The following PID1 variants were observed in gnomAD, a reference collection of about 807,000 sequenced individuals.
PID1 encodes the protein phosphotyrosine interaction domain containing 1.
A neutral mutation model predicts 19.1 loss-of-function variants in PID1; 10 were observed. That is an observed-to-expected ratio of 0.52 (90% CI 0.32 to 0.89). The LOEUF is 0.89. PID1 is among the 40% of genes least tolerant of loss of function. The pLI, the probability that PID1 is intolerant of heterozygous loss-of-function variation, is 0.03. For missense variants in PID1, 248 were observed against 285.3 expected (o/e 0.87, Z 0.94); for synonymous variants, 130 against 116.0 (o/e 1.12, Z -0.78).
In PID1 at chr2:229,024,026, G is replaced by C. The variant is rs1004148462; in HGVS notation, c.*1606C>G. 1.3e-5 allele frequency: 2 copies of C among 152,608 alleles called. No homozygotes were observed. Among genetic ancestry groups the C allele is most frequent in the Non-Finnish European group, 2.9e-5 (2 of 68,030 alleles). 9.5% of individuals were successfully genotyped at this position (152,608 alleles called of 1,614,324 possible). On this transcript the variant is annotated 3_prime_UTR_variant, in exon 3 of 3. Transcript: ENST00000392055. Reference sequence around the variant, plus strand: ...AACATATTTTTATTAAAGAATGAATGCATTTATGCTAAAGAATAGCTTACA... The same window carrying C: ...AACATATTTTTATTAAAGAATGAATCCATTTATGCTAAAGAATAGCTTACA...
chr2:229,050,635 C>T (rs1046924640), intron 2 of PID1, among the ~76,000 whole-genome samples: 12 of 152,076 alleles, frequency 7.9e-5, no homozygotes, highest in Admixed American at 2.0e-4. Flanking sequence ...GTGTATATAC[C>T]GGTGTGTACA....
At chr2:229,245,330 T>C (rs1559301061) in intron 1 of PID1, among the ~76,000 whole-genome samples, 2 of 152,248 alleles carry the variant, frequency 1.3e-5, no homozygotes, top group Non-Finnish European at 2.9e-5. Flanking sequence ...TGGTAAAAGA[T>C]GCAGTGGTGG....
Position 229,184,545 on chromosome 2 carries a change from G to GTATA in PID1, c.31-28585_31-28582dup, listed in dbSNP as rs371024289. The stretch of plus-strand genomic sequence containing the variant: ...TATCCCGTATATATATATATATCCC[G>GTATA]TATATATATATCCCGTATATATATA... On this transcript the variant is annotated intron_variant, in intron 1 of 2. Transcript: ENST00000392055. Among the ~76,000 whole-genome samples the GTATA allele has an allele frequency of 2.1e-3, 6 of 2,870 alleles. 3 individuals are homozygous for GTATA. The highest frequency in any genetic ancestry group is 3.2e-3 in the Non-Finnish European group (6 of 1,870). 1.9% of individuals were successfully genotyped at this position (2,870 alleles called of 152,430 possible). A position where few individuals can be genotyped will look rare whatever the true frequency, so the allele number is the denominator to read the frequency against.
intron 1 of PID1, among the ~76,000 whole-genome samples, chr2:229,203,500 TCA>T (rs59860512): frequency 0.1 from 15,850 of 152,060 alleles, 1,087 homozygotes; most frequent in East Asian, 0.4. Context: ...TCACTTAAAG[TCA>T]CAGTTTCCAA....
In PID1 at chr2:229,139,159, GAGCA is replaced by G. The variant is rs1196084512; in HGVS notation, c.177+16655_177+16658del. Among the ~76,000 whole-genome samples the G allele has an allele frequency of 4.4e-5, 4 of 90,558 alleles. 1 individual carries two copies. The highest frequency in any genetic ancestry group is 2.1e-4 in the Admixed American group (2 of 9,726). The allele number at this position is 90,558 out of a possible 152,430, so 59.4% of individuals were successfully genotyped here. A position where few individuals can be genotyped will look rare whatever the true frequency, so the allele number is the denominator to read the frequency against. The stretch of plus-strand genomic sequence containing the variant: ...AAAGAAAGAAAGAAAGCAAGCGAGC[GAGCA>G]AGCGAGCTTCCCTTGACCAAACACT... On this transcript the variant is annotated intron_variant, in intron 2 of 2. Coordinates refer to ENST00000392055, the MANE Select transcript of PID1 (RefSeq NM_001100818.2).
intron 2 of PID1, among the ~76,000 whole-genome samples, chr2:229,043,432 G>T (rs896751887): frequency 1.3e-5 from 2 of 152,086 alleles, no homozygotes; most frequent in Non-Finnish European, 2.9e-5. Flanking sequence ...TTGCCAAGAA[G>T]TGTATTCTTA....
intron 1 of PID1, among the ~76,000 whole-genome samples, chr2:229,231,134 T>G (rs975570098): frequency 6.6e-6 from 1 of 152,196 alleles, no homozygotes; most frequent in Non-Finnish European, 1.5e-5. Context: ...AACACATCTG[T>G]GCTTCAGCCC....
At chr2:229,052,877 G>T (rs184800674) in intron 2 of PID1, among the ~76,000 whole-genome samples, 118 of 152,242 alleles carry the variant, frequency 7.8e-4, no homozygotes, top group African/African-American at 2.8e-3. Flanking sequence ...TCATTTGAAA[G>T]TTTCTTTTAT....
intron 2 of PID1, among the ~76,000 whole-genome samples, chr2:229,030,103 C>T (rs1693515438): frequency 6.6e-6 from 1 of 152,160 alleles, no homozygotes; most frequent in African/African-American, 2.4e-5. Context: ...CTGACAGATA[C>T]TACAACATGG....
chr2:229,046,625 T>C (rs912689663), intron 2 of PID1, among the ~76,000 whole-genome samples: 10 of 152,008 alleles, frequency 6.6e-5, no homozygotes, highest in African/African-American at 2.4e-4. Flanking sequence ...AAACTATCCC[T>C]AAATGAATTA....
At chr2:229,062,711 T>C (rs1046539778) in intron 2 of PID1, among the ~76,000 whole-genome samples, 9 of 151,972 alleles carry the variant, frequency 5.9e-5, no homozygotes, top group African/African-American at 2.2e-4. Context: ...ATATTGGTAT[T>C]AGTTCTTTAA....
At chr2:229,264,366 C>T (rs1690539894) in intron 1 of PID1, among the ~76,000 whole-genome samples, 1 of 152,104 alleles carries the variant, frequency 6.6e-6, no homozygotes. Context: ...CACCGCCTGG[C>T]AGAAACTAAA....
intron 1 of PID1, among the ~76,000 whole-genome samples, chr2:229,162,504 A>T (rs186910854): frequency 4.6e-5 from 7 of 152,342 alleles, no homozygotes; most frequent in African/African-American, 1.4e-4. Context: ...TTGAAGACAG[A>T]CTATAATGGT....
chr2:229,229,352 C>T (rs1692153455), intron 1 of PID1, among the ~76,000 whole-genome samples: 1 of 152,190 alleles, frequency 6.6e-6, no homozygotes, highest in Non-Finnish European at 1.5e-5. Context: ...TTCACTCCAA[C>T]TTGTAACTGG....
intron 1 of PID1, among the ~76,000 whole-genome samples, chr2:229,164,417 A>G (rs1423830575): frequency 6.6e-6 from 1 of 152,220 alleles, no homozygotes; most frequent in Non-Finnish European, 1.5e-5. Flanking sequence ...ATAACACAAT[A>G]TAAACAGGTC....
intron 2 of PID1, among the ~76,000 whole-genome samples, chr2:229,155,329 G>T (rs562959979): frequency 6.6e-6 from 1 of 152,186 alleles, no homozygotes; most frequent in South Asian, 2.1e-4. Flanking sequence ...CACTTTGGGA[G>T]GCTGAGGTGG....
chr2:229,040,277 G>C (rs1041905610), intron 2 of PID1, among the ~76,000 whole-genome samples: 1 of 151,782 alleles, frequency 6.6e-6, no homozygotes, highest in African/African-American at 2.4e-5. Flanking sequence ...AAAAAATCGC[G>C]GCACTGCACC....
chr2:229,115,415 A>G (rs1695390865), intron 2 of PID1, among the ~76,000 whole-genome samples: 1 of 151,408 alleles, frequency 6.6e-6, no homozygotes, highest in African/African-American at 2.4e-5. Flanking sequence ...AAAAAAAAAA[A>G]AAGAAGAGAA....
rs1690632659 is a variant in PID1, at chr2:229,267,850, G to A, written c.30+3164C>T. 2.0e-5 allele frequency among the ~76,000 whole-genome samples: 3 copies of A among 151,888 alleles called. No homozygotes were observed. In the South Asian group the frequency reaches 6.2e-4, roughly 32 times the overall value. On this transcript the variant is annotated intron_variant, in intron 1 of 2. Transcript: ENST00000392055. ...GTAGGGTTTTTATTTGTTCAGAAAA[G>A]TCTCCTTTACTTTTCTGAAAGGAGT...
Sources: allele counts gnomAD v4.1 joint callset (sites outside exome capture counted in the v4.1 genomes callset), GRCh38; gene constraint gnomAD v4.1.1; transcripts MANE v1.5; gene names NCBI Gene and HGNC (gene_info 2026-07-23, HGNC 2026-07-21).